The following COL6A6 variants were observed in gnomAD, a reference collection of about 807,000 sequenced individuals.
COL6A6 encodes collagen alpha-6(VI) chain.
A neutral mutation model predicts 208.6 loss-of-function variants in COL6A6; 183 were observed. The observed-to-expected ratio is 0.88, with a 90% CI of 0.78 to 0.99. The LOEUF (loss-of-function observed/expected upper bound fraction) is 0.99, where lower values mean the gene tolerates loss of function less well. Ranked by LOEUF, COL6A6 falls within the 50% of genes least tolerant of loss-of-function variation. The probability of loss-of-function intolerance (pLI) is 0.00; values close to 1 mark genes in which losing one functional copy is unlikely to be tolerated. For synonymous variants in COL6A6, 973 were observed against 1,011.8 expected (o/e 0.96, Z 0.73); for missense variants, 2,816 against 2,815.2 (o/e 1.00, Z -0.01).
chr3:130,532,201 A>G (rs191620445), intron 1 of COL6A6, among the ~76,000 whole-genome samples: 87 of 152,310 alleles, frequency 5.7e-4, no homozygotes, highest in East Asian at 5.8e-4. Context: ...AAATGATGCC[A>G]CTTATCAGCA....
At chr3:130,642,752 C>T in intron 29 of COL6A6, 80 bp from the exon 30 acceptor site, 1 of 1,284,022 alleles carries the variant, frequency 7.8e-7, no homozygotes, top group Non-Finnish European at 1.1e-6. Context: ...TTATCACTTT[C>T]TGAGGGCAAT....
At chr3:130,598,525 C>A in intron 19 of COL6A6, 95 bp downstream of exon 19, 1 of 838,958 alleles carries the variant, frequency 1.2e-6, no homozygotes, top group South Asian at 1.6e-5. Context: ...AAACTGGAAT[C>A]AAAGTGGATA....
Position 130,591,042 on chromosome 3 carries a change from G to T in COL6A6, c.4220G>T (p.Gly1407Val). ...TTTTCTTCCTTTTCTTATTTCCAGGGACCTCCAGGTTTTAAAGGCAGTGAA... is the reference window on the plus strand; with the variant it reads ...TTTTCTTCCTTTTCTTATTTCCAGGTACCTCCAGGTTTTAAAGGCAGTGAA... ...MGDPGPPGKR[G>V]PPGFKGSEGY... The change falls in exon 13 of 37, where the codon GGA (glycine) becomes GTA (valine). Residue 1407 changes from glycine to valine, a missense_variant and splice_region_variant. Gly to Val is a moderately radical substitution (Grantham distance 109). Coordinates refer to ENST00000358511, the MANE Select transcript of COL6A6 (RefSeq NM_001102608.3). The T allele has an allele frequency of 1.3e-6, 2 of 1,575,176 alleles. No homozygotes were observed. Among genetic ancestry groups the T allele is most frequent in the Non-Finnish European group, 1.7e-6 (2 of 1,158,120 alleles).
intron 36 of COL6A6, among the ~76,000 whole-genome samples, chr3:130,666,801 A>G (rs2066085687): frequency 6.6e-6 from 1 of 152,196 alleles, no homozygotes; most frequent in African/African-American, 2.4e-5. Context: ...ACATAAAGAG[A>G]TTATCATTTT....
At chr3:130,566,036 G>GTGA (rs1397370505) in intron 4 of COL6A6, among the ~76,000 whole-genome samples, 1 of 152,092 alleles carries the variant, frequency 6.6e-6, no homozygotes, top group Non-Finnish European at 1.5e-5. Flanking sequence ...AAACAGGAGT[G>GTGA]TGATTTGAAT....
At chr3:130,622,413 G>A (rs529842586) in intron 24 of COL6A6, among the ~76,000 whole-genome samples, 2 of 152,044 alleles carry the variant, frequency 1.3e-5, no homozygotes, top group Non-Finnish European at 2.9e-5. Flanking sequence ...AAATGAATCT[G>A]TGGGTGGCAT....
chr3:130,639,633 A>C (rs550668218), intron 28 of COL6A6, among the ~76,000 whole-genome samples: 1 of 150,194 alleles, frequency 6.7e-6, no homozygotes, highest in African/African-American at 2.4e-5. Flanking sequence ...TCTTGGCTGC[A>C]TTGAGCTAAG....
intron 12 of COL6A6, 108 bp from the exon 13 acceptor site, chr3:130,590,933 A>G (rs2063698671): frequency 6.2e-6 from 5 of 809,278 alleles, no homozygotes; most frequent in Non-Finnish European, 1.0e-5. Flanking sequence ...ATTTTTTTCA[A>G]ACACTTACTA....
At chr3:130,673,221 A>AAACAAAAACCC (rs1553724901) in intron 36 of COL6A6, among the ~76,000 whole-genome samples, 1 of 117,068 alleles carries the variant, frequency 8.5e-6, no homozygotes, top group Non-Finnish European at 1.5e-5. Context: ...AAAAAACAAA[A>AAACAAAAACCC]AAAAAAAACA....
In COL6A6 at chr3:130,571,151, C is replaced by T; in HGVS notation, c.2735C>T (p.Pro912Leu). 6.2e-7 allele frequency: 1 copy of T among 1,613,568 alleles called. No homozygotes were observed. Among genetic ancestry groups the T allele is most frequent in the Non-Finnish European group, 8.5e-7 (1 of 1,179,596 alleles). Residue 912 changes from proline to leucine, a missense_variant, in exon 7 of 37, where the codon CCC (proline) becomes CTC (leucine). Pro to Leu is a moderately conservative substitution (Grantham distance 98). Transcript: ENST00000358511. ...ARGSRLNKGV[P>L]QVLIVITDGE... The stretch of plus-strand genomic sequence containing the variant: ...GGCAGCCGCCTGAACAAGGGGGTCC[C>T]CCAAGTCCTCATTGTGATCACCGAT...
At chr3:130,548,334 T>C (rs2107787970) in intron 1 of COL6A6, among the ~76,000 whole-genome samples, 1 of 152,352 alleles carries the variant, frequency 6.6e-6, no homozygotes, top group Non-Finnish European at 1.5e-5. Flanking sequence ...CTCAGTCTTT[T>C]AGTTAGCCTG....
At chr3:130,621,098 T>G (rs914179939) in intron 23 of COL6A6, among the ~76,000 whole-genome samples, 2 of 152,222 alleles carry the variant, frequency 1.3e-5, no homozygotes, top group African/African-American at 4.8e-5. Flanking sequence ...TTCCATTATA[T>G]CTGATAGCTT....
chr3:130,674,772 G>C (rs1437119975), intron 36 of COL6A6, among the ~76,000 whole-genome samples: 1 of 152,168 alleles, frequency 6.6e-6, no homozygotes, highest in Non-Finnish European at 1.5e-5. Flanking sequence ...AGATCATAAG[G>C]AAGTTTACAG....
At chr3:130,648,907 A>G (rs144449617) in intron 32 of COL6A6, among the ~76,000 whole-genome samples, 162 bp from the exon 33 acceptor site, 1 of 152,214 alleles carries the variant, frequency 6.6e-6, no homozygotes, top group Non-Finnish European at 1.5e-5. Flanking sequence ...AATAACATCT[A>G]TAATTATTCA....
intron 1 of COL6A6, among the ~76,000 whole-genome samples, chr3:130,532,511 A>G (rs1236181944): frequency 6.6e-6 from 1 of 152,134 alleles, no homozygotes; most frequent in Non-Finnish European, 1.5e-5. Context: ...GGGCTGGTAC[A>G]CTGACCAAAG....
intron 33 of COL6A6, among the ~76,000 whole-genome samples, chr3:130,657,662 A>C (rs1026942276): frequency 6.6e-6 from 1 of 152,232 alleles, no homozygotes; most frequent in Non-Finnish European, 1.5e-5. Flanking sequence ...ATGAGGACTC[A>C]AAATACAGAG....
chr3:130,522,428 G>T (rs577374170), intron 1 of COL6A6, among the ~76,000 whole-genome samples: 1 of 152,194 alleles, frequency 6.6e-6, no homozygotes, highest in Admixed American at 6.5e-5. Flanking sequence ...ATGTAAAGAG[G>T]TTCTGGAAAG....
intron 1 of COL6A6, among the ~76,000 whole-genome samples, chr3:130,528,204 C>T (rs565835363): frequency 7.9e-5 from 12 of 152,166 alleles, no homozygotes; most frequent in South Asian, 2.1e-4. Flanking sequence ...GACTTGGAGA[C>T]GAGGACTGAG....
At chr3:130,576,995 A>G (rs1449075630) in intron 8 of COL6A6, among the ~76,000 whole-genome samples, 5 of 152,196 alleles carry the variant, frequency 3.3e-5, no homozygotes, top group African/African-American at 9.7e-5. Context: ...TGTAAATCTA[A>G]ATAATCTCTA....
Sources: allele counts gnomAD v4.1 joint callset (sites outside exome capture counted in the v4.1 genomes callset), GRCh38; gene constraint gnomAD v4.1.1; transcripts MANE v1.5; gene names NCBI Gene and HGNC (gene_info 2026-07-23, HGNC 2026-07-21).